Variants in SEC14L1 observed in about 807,000 individuals in gnomAD.
SEC14L1 encodes the protein SEC14 like lipid binding 1, also known as SEC14-like protein 1.
In SEC14L1, 48 loss-of-function variants were observed where a neutral mutation model predicts 85.3. The ratio of observed to expected loss-of-function variants is 0.56; its 90% confidence interval spans 0.45 to 0.72. The LOEUF is 0.72. SEC14L1 is among the 30% of genes least tolerant of loss of function. The pLI, the probability that SEC14L1 is intolerant of heterozygous loss-of-function variation, is 0.00. For synonymous variants in SEC14L1, 391 were observed against 355.5 expected (o/e 1.10, Z -1.12); for missense variants, 682 against 921.4 (o/e 0.74, Z 3.36).
intron 3 of SEC14L1, among the ~76,000 whole-genome samples, chr17:77,174,348 C>T (rs1053659952): frequency 3.3e-5 from 5 of 152,160 alleles, no homozygotes; most frequent in African/African-American, 9.6e-5. Context: ...GTTGGTGGGT[C>T]GGTATGATCC....
rs1297147959 is a variant in SEC14L1 at position 77,194,779 on chromosome 17, T to C, written c.577T>C (p.Ser193Pro). 2 of 1,614,178 alleles carry C rather than the reference T, an allele frequency of 1.2e-6. No homozygotes were observed. The highest frequency in any genetic ancestry group is 4.5e-5 in the East Asian group (2 of 44,878). ...TTCCATCACGACCTCTTCAGAGACATCTTCATCATCCTCCAAGAAACAAGC... is the reference window on the plus strand; with the variant it reads ...TTCCATCACGACCTCTTCAGAGACACCTTCATCATCCTCCAAGAAACAAGC... ...PPSITTSSET[S>P]SSSSKKQAAS... Residue 193 changes from serine to proline, a missense_variant, in exon 7 of 17, where the codon TCT becomes CCT. Physicochemically the swap from Ser to Pro is moderately conservative, Grantham distance 74. This residue lies in a region of SEC14L1 where 123 missense variants were observed against 100.6 expected (regional missense o/e 1.22). Coordinates refer to ENST00000436233, the MANE Select transcript of SEC14L1 (RefSeq NM_001143998.2).
chr17:77,166,676 C>G (rs1974296058), intron 3 of SEC14L1, among the ~76,000 whole-genome samples: 1 of 151,960 alleles, frequency 6.6e-6, no homozygotes, highest in Non-Finnish European at 1.5e-5. Flanking sequence ...CCTGTCTCTA[C>G]TAAAAATAAA....
chr17:77,181,252 C>T (rs1325061361), intron 3 of SEC14L1: 1 of 152,348 alleles, frequency 6.6e-6, no homozygotes, highest in African/African-American at 2.4e-5. Context: ...CTTTAGAGCC[C>T]TCTGCAGACA....
In SEC14L1 at chr17:77,191,239, G is replaced by C. The variant is rs1461500024; in HGVS notation, c.272G>C (p.Arg91Pro). The part of the protein sequence containing the change: ...VQKNSLNSRE[R>P]TLHIEAYNET... ...AAAAACTCACTGAATTCTCGGGAAC[G>C]TACTTTGCACATTGAGGCTTATAAT... Residue 91 changes from arginine (R) to proline (P), a missense_variant, in exon 5 of 17, where the codon CGT (arginine) becomes CCT (proline). This residue lies in a region of SEC14L1 where 139 missense variants were observed against 201.3 expected (regional missense o/e 0.69). Transcript: ENST00000436233. 6.2e-7 allele frequency: 1 copy of C among 1,613,488 alleles called. No individual in the cohort carries two copies. Among genetic ancestry groups the C allele is most frequent in the South Asian group, 1.1e-5 (1 of 91,060 alleles).
intron 3 of SEC14L1, chr17:77,152,425 A>AT (rs1475721444): frequency 2.0e-5 from 3 of 151,940 alleles, no homozygotes; most frequent in African/African-American, 7.3e-5. Flanking sequence ...AATCCCAGCT[A>AT]CTTAGGAGGC....
intron 2 of SEC14L1, chr17:77,089,403 G>GAAGA (rs764529714): frequency 5.8e-6 from 3 of 518,954 alleles, no homozygotes; most frequent in Non-Finnish European, 1.2e-5. Context: ...TAAATTCCCG[G>GAAGA]AAGAAGTCTT....
chr17:77,206,350 C>T lies in SEC14L1; in HGVS notation c.1291C>T (p.Arg431Cys), dbSNP rs764322549. Reference sequence around the variant, plus strand: ...GGCCAACTACCCTGAGACACTGGGCCGCCTTCTCATCCTGCGGGCGCCCAG... The same window carrying T: ...GGCCAACTACCCTGAGACACTGGGCTGCCTTCTCATCCTGCGGGCGCCCAG... ...VEANYPETLG[R>C]LLILRAPRVF... is the part of the protein sequence containing the mutation. Residue 431 changes from arginine (R) to cysteine (C), a missense_variant, in exon 12 of 17, where the codon CGC becomes TGC. Physicochemically the swap from Arg to Cys is radical, Grantham distance 180. Coordinates refer to ENST00000436233, the MANE Select transcript of SEC14L1 (RefSeq NM_001143998.2). The surrounding 1 kb of genome is among the most constrained non-coding windows in gnomAD (Gnocchi z 4.3). 2.5e-6 allele frequency: 4 copies of T among 1,614,088 alleles called. No homozygotes were observed. The highest frequency in any genetic ancestry group is 1.1e-5 in the South Asian group (1 of 91,082).
chr17:77,212,086 G>C lies in SEC14L1; in HGVS notation c.1748G>C (p.Ser583Thr). The C allele has an allele frequency of 6.2e-7, 1 of 1,614,174 alleles. No homozygotes were observed. The highest frequency in any genetic ancestry group is 8.5e-7 in the Non-Finnish European group (1 of 1,180,040). ...PPKKDSLGAHSITSPGGNNVQ... is the reference protein window; with the variant it reads ...PPKKDSLGAHTITSPGGNNVQ... ...AAAAAGGACTCCCTGGGAGCCCACAGCATCACCTCTCCGGGTGGGAACAAT... is the reference window on the plus strand; with the variant it reads ...AAAAAGGACTCCCTGGGAGCCCACACCATCACCTCTCCGGGTGGGAACAAT... Residue 583 changes from serine to threonine, a missense_variant, in exon 15 of 17, where the codon AGC becomes ACC. By Grantham distance (58) the Ser-to-Thr change is moderately conservative. Transcript: ENST00000436233.
intron 3 of SEC14L1, among the ~76,000 whole-genome samples, chr17:77,189,864 A>G (rs775402941): frequency 6.6e-6 from 1 of 152,084 alleles, no homozygotes; most frequent in Non-Finnish European, 1.5e-5. Context: ...TCCTGACCTC[A>G]TGATCTGCCC....
In SEC14L1 at chr17:77,215,879, C is replaced by T. The variant is rs902740692; in HGVS notation, c.*1856C>T. 7.5e-5 allele frequency: 66 copies of T among 879,236 alleles called. 3 individuals carry two copies. The highest frequency in any genetic ancestry group is 8.4e-5 in the Non-Finnish European group (65 of 771,822). 54.5% of individuals were successfully genotyped at this position (879,236 alleles called of 1,614,324 possible). A position where few individuals can be genotyped will look rare whatever the true frequency, so the allele number is the denominator to read the frequency against. On this transcript the variant is annotated 3_prime_UTR_variant, in exon 17 of 17. Transcript: ENST00000436233. ...GTAGGTAGGGTTCGTAGGTAGGGTT[C>T]GTAGGTAGGGTTCGTAGGTAGGGCT...
intron 1 of SEC14L1, chr17:77,089,104 G>A: frequency 3.8e-6 from 1 of 261,206 alleles, no homozygotes; most frequent in South Asian, 3.5e-5. Flanking sequence ...GGTAAGCGTC[G>A]AATGACTTTT....
At chr17:77,126,965 C>T (rs71383095) in intron 3 of SEC14L1, among the ~76,000 whole-genome samples, 53,934 of 149,974 alleles carry the variant, frequency 0.36, 9,877 homozygotes, top group Middle Eastern at 0.4. Flanking sequence ...TCTTTTTTTT[C>T]TCTCTCTCTT....
intron 3 of SEC14L1, among the ~76,000 whole-genome samples, chr17:77,154,252 C>G (rs543180781): frequency 1.3e-5 from 2 of 152,190 alleles, no homozygotes; most frequent in African/African-American, 4.8e-5. Context: ...GGGAGAATCA[C>G]TTGAGGCCAG....
intron 10 of SEC14L1, 69 bp from the exon 11 acceptor site, chr17:77,205,207 C>T: frequency 7.4e-7 from 1 of 1,344,890 alleles, no homozygotes; most frequent in Non-Finnish European, 1.1e-6. Context: ...TGTCCCTCTT[C>T]CATAGCTGGA....
chr17:77,129,005 G>T (rs1468826798), intron 3 of SEC14L1, among the ~76,000 whole-genome samples: 1 of 152,034 alleles, frequency 6.6e-6, no homozygotes, highest in African/African-American at 2.4e-5. Flanking sequence ...TTGGTCTTTT[G>T]AACAATTTTC....
intron 3 of SEC14L1, among the ~76,000 whole-genome samples, chr17:77,110,825 C>A (rs1232327302): frequency 1.4e-5 from 2 of 143,162 alleles, no homozygotes; most frequent in Non-Finnish European, 1.5e-5. Context: ...TTGCAGTGAG[C>A]CAAGATTGTG....
chr17:77,147,103 G>A (rs1379609173), intron 3 of SEC14L1, among the ~76,000 whole-genome samples: 3 of 152,214 alleles, frequency 2.0e-5, no homozygotes, highest in Non-Finnish European at 4.4e-5. Context: ...AGGAGTGGCC[G>A]GCAGTGCCCG....
chr17:77,200,618 C>G lies in SEC14L1; in HGVS notation c.954C>G (p.Thr318=). ...HQVDYILETW[T]PPQVLQDYYA... ...TAGACTACATTCTTGAAACCTGGACCCCTCCTCAGGTCCTTCAGGATTACT... is the reference window on the plus strand; with the variant it reads ...TAGACTACATTCTTGAAACCTGGACGCCTCCTCAGGTCCTTCAGGATTACT... The change falls in exon 9 of 17, where the codon ACC becomes ACG. Residue 318 remains threonine (T), a synonymous_variant. Coordinates refer to ENST00000436233, the MANE Select transcript of SEC14L1 (RefSeq NM_001143998.2). 6.2e-7 allele frequency: 1 copy of G among 1,614,020 alleles called. No homozygotes were observed. The highest frequency in any genetic ancestry group is 1.3e-5 in the African/African-American group (1 of 75,002).
intron 3 of SEC14L1, among the ~76,000 whole-genome samples, chr17:77,169,003 G>A (rs924661042): frequency 4.5e-5 from 6 of 131,962 alleles, no homozygotes; most frequent in Admixed American, 8.7e-5. Context: ...CCCGTGAGGA[G>A]CATCTTTTTT....
Sources: gnomAD v4.1 joint callset for allele counts (sites outside exome capture counted in the v4.1 genomes callset) on GRCh38, gnomAD v4.1.1 for gene constraint, gnomAD v4.1.1 regional missense constraint, Gnocchi (gnomAD v3.1) non-coding constraint, MANE v1.5 for transcripts, NCBI Gene and HGNC (gene_info 2026-07-23, HGNC 2026-07-21) for gene names.